The following LRRTM4 variants were observed in gnomAD, a reference collection of about 807,000 sequenced individuals.
LRRTM4 encodes leucine rich repeat transmembrane neuronal 4.
LRRTM4 carries 25 observed loss-of-function variants against 47.6 expected under a neutral mutation model. The observed-to-expected ratio is 0.53, with a 90% CI of 0.38 to 0.73. The LOEUF (loss-of-function observed/expected upper bound fraction) is 0.73, where lower values mean the gene tolerates loss of function less well. Among genes scored for constraint, LRRTM4 ranks in the 30% least tolerant of loss-of-function variants. LRRTM4 has a pLI of 0.00. For missense variants in LRRTM4, 638 were observed against 713.4 expected (o/e 0.89, Z 1.20); for synonymous variants, 311 against 269.5 (o/e 1.15, Z -1.51).
chr2:76,834,019 ATTATTTATTTATTTAT>A (rs10644834), intron 3 of LRRTM4, among the ~76,000 whole-genome samples: 30 of 140,538 alleles, frequency 2.1e-4, no homozygotes, highest in Non-Finnish European at 4.1e-4. Context: ...TCATTTATTT[ATTATTTATTTATTTAT>A]TTATTTATTT....
intron 3 of LRRTM4, among the ~76,000 whole-genome samples, chr2:77,002,335 T>A (rs989385511): frequency 1.3e-5 from 2 of 152,160 alleles, no homozygotes; most frequent in African/African-American, 4.8e-5. Context: ...AAAAATCATG[T>A]GTTAATGAGA....
chr2:77,431,105 A>G (rs11126607), intron 3 of LRRTM4, among the ~76,000 whole-genome samples: 59,082 of 147,758 alleles, frequency 0.4, 13,648 homozygotes, highest in African/African-American at 0.52. Flanking sequence ...CGGTTCTTCG[A>G]CTCCAAGACA....
At chr2:77,106,881 G>A (rs6750737) in intron 3 of LRRTM4, among the ~76,000 whole-genome samples, 67,677 of 151,420 alleles carry the variant, frequency 0.45, 19,079 homozygotes, top group African/African-American at 0.79. Flanking sequence ...CAGTGATGTT[G>A]GTCAAGGAAA....
chr2:76,910,816 T>C (rs1674027075), intron 3 of LRRTM4, among the ~76,000 whole-genome samples: 1 of 152,226 alleles, frequency 6.6e-6, no homozygotes, highest in Admixed American at 6.5e-5. Context: ...TCTTTTAACA[T>C]TGGAATATAT....
chr2:77,172,339 G>A (rs895418212), intron 3 of LRRTM4, among the ~76,000 whole-genome samples: 2 of 152,166 alleles, frequency 1.3e-5, no homozygotes, highest in Non-Finnish European at 2.9e-5. Context: ...GCTCACGCCT[G>A]TAATCCCAGC....
chr2:76,849,194 C>A (rs1186677156), intron 3 of LRRTM4, among the ~76,000 whole-genome samples: 1 of 151,954 alleles, frequency 6.6e-6, no homozygotes, highest in African/African-American at 2.4e-5. Context: ...GGTGACAGTG[C>A]AGAGAAGAGA....
chr2:77,230,147 G>T (rs1326318401), intron 3 of LRRTM4, among the ~76,000 whole-genome samples: 1 of 152,080 alleles, frequency 6.6e-6, no homozygotes, highest in Admixed American at 6.6e-5. Context: ...TTTCAAAATA[G>T]AAGATTTTAA....
At chr2:77,455,615 T>A (rs945731897) in intron 3 of LRRTM4, among the ~76,000 whole-genome samples, 1 of 152,182 alleles carries the variant, frequency 6.6e-6, no homozygotes, top group East Asian at 1.9e-4. Context: ...TCCCTCCTCC[T>A]GCACCTCTCT....
chr2:76,945,011 T>C, intron 3 of LRRTM4, among the ~76,000 whole-genome samples: 1 of 152,038 alleles, frequency 6.6e-6, no homozygotes, highest in East Asian at 1.9e-4. Flanking sequence ...ATGGAAATTA[T>C]CCCGTGGATT....
intron 3 of LRRTM4, among the ~76,000 whole-genome samples, chr2:77,479,148 G>A (rs958796420): frequency 5.3e-5 from 8 of 152,012 alleles, no homozygotes; most frequent in South Asian, 2.1e-4. Context: ...CACCTGTCTC[G>A]GCCCCCCAGA....
intron 3 of LRRTM4, among the ~76,000 whole-genome samples, chr2:77,368,374 T>G (rs1051488808): frequency 6.6e-6 from 1 of 151,792 alleles, no homozygotes; most frequent in African/African-American, 2.4e-5. Context: ...CAGTTTGGTT[T>G]TAGTTCTTTC....
chr2:77,124,882 C>A (rs916354996), intron 3 of LRRTM4, among the ~76,000 whole-genome samples: 9 of 152,010 alleles, frequency 5.9e-5, no homozygotes, highest in African/African-American at 2.2e-4. Flanking sequence ...TGTGGTCCCA[C>A]GTGCACTGCA....
At chr2:76,940,108 C>T (rs1220728077) in intron 3 of LRRTM4, among the ~76,000 whole-genome samples, 1 of 152,080 alleles carries the variant, frequency 6.6e-6, no homozygotes, top group East Asian at 1.9e-4. Context: ...GAAAACAGAA[C>T]TAATGTTCAA....
At chr2:77,137,549 G>C (rs1042737845) in intron 3 of LRRTM4, among the ~76,000 whole-genome samples, 1 of 152,006 alleles carries the variant, frequency 6.6e-6, no homozygotes, top group East Asian at 1.9e-4. Flanking sequence ...ATCAAGGCTA[G>C]GAAGAAACTG....
chr2:77,397,399 A>T (rs1260878586), intron 3 of LRRTM4, among the ~76,000 whole-genome samples: 1 of 151,940 alleles, frequency 6.6e-6, no homozygotes. Flanking sequence ...AATTAAACAT[A>T]GCTATCAGCA....
chr2:77,342,823 C>T (rs1019897316), intron 3 of LRRTM4, among the ~76,000 whole-genome samples: 4 of 146,016 alleles, frequency 2.7e-5, no homozygotes, highest in South Asian at 4.5e-4. Context: ...TCTGTAAATA[C>T]ATCAGTGGTA....
chr2:77,469,888 T>C (rs570441482), intron 3 of LRRTM4, among the ~76,000 whole-genome samples: 2 of 152,272 alleles, frequency 1.3e-5, no homozygotes, highest in East Asian at 3.9e-4. Flanking sequence ...GCAGATATAA[T>C]TGTCTCCATT....
intron 3 of LRRTM4, among the ~76,000 whole-genome samples, chr2:76,830,515 CGT>C (rs57566911): frequency 0.06 from 8,669 of 143,696 alleles, 444 homozygotes; most frequent in Admixed American, 0.13. Context: ...GCAGTGTGTG[CGT>C]GTGTGTGTGT....
intron 3 of LRRTM4, among the ~76,000 whole-genome samples, chr2:76,895,974 G>T (rs748283267): frequency 3.9e-5 from 6 of 152,050 alleles, no homozygotes; most frequent in Admixed American, 1.3e-4. Flanking sequence ...GTGAATAAAA[G>T]CACTCAGCAG....
Sources: allele counts gnomAD v4.1 joint callset (sites outside exome capture counted in the v4.1 genomes callset), GRCh38; gene constraint gnomAD v4.1.1; transcripts MANE v1.5; gene names NCBI Gene and HGNC (gene_info 2026-07-23, HGNC 2026-07-21).